SUZ12: variants seen among roughly 807,000 people sequenced by gnomAD.
SUZ12 encodes SUZ12 polycomb repressive complex 2 subunit, also known as polycomb protein SUZ12.
A neutral mutation model predicts 87.3 loss-of-function variants in SUZ12; 17 were observed. The ratio of observed to expected loss-of-function variants is 0.19; its 90% CI spans 0.13 to 0.29. The LOEUF is 0.29. Among genes scored for constraint, SUZ12 ranks in the 10% least tolerant of loss-of-function variants. SUZ12 has a pLI of 1.00. For synonymous variants in SUZ12, 253 were observed against 312.4 expected (o/e 0.81, Z 2.01); for missense variants, 526 against 912.2 (o/e 0.58, Z 5.45).
At chr17:31,994,970 G>T (rs1281396692) in intron 13 of SUZ12, among the ~76,000 whole-genome samples, 1 of 152,164 alleles carries the variant, frequency 6.6e-6, no homozygotes, top group Non-Finnish European at 1.5e-5. Context: ...TGCTGCAGTG[G>T]TTTGGGATTA....
chr17:31,941,667 A>G (rs1014091576), intron 3 of SUZ12, among the ~76,000 whole-genome samples: 4 of 151,198 alleles, frequency 2.6e-5, no homozygotes, highest in African/African-American at 9.7e-5. Flanking sequence ...CTCCTCCTTC[A>G]GCCTCCTTAG....
chr17:32,000,631 G>GT lies in SUZ12; in HGVS notation c.*1629dup, dbSNP rs1369669430. 3 of 209,346 alleles carry GT rather than the reference G, an allele frequency of 1.4e-5. No individual in the cohort carries two copies. The highest frequency in any genetic ancestry group is 1.9e-4 in the South Asian group (1 of 5,150). The allele number at this position is 209,346 out of a possible 1,614,324, so 13.0% of individuals were successfully genotyped here. A position where few individuals can be genotyped will look rare whatever the true frequency, so the allele number is the denominator to read the frequency against. On this transcript the variant is annotated 3_prime_UTR_variant, in exon 16 of 16. Transcript: ENST00000322652. ...TAATTTGCTAAAGCTGTGCACATAT[G>GT]TAAAAAAAAAAAAAAAAAGATTATT... is the stretch of plus-strand genomic sequence containing the variant.
chr17:31,940,355 C>T, intron 2 of SUZ12, 23 bp downstream of exon 2: 2 of 1,610,990 alleles, frequency 1.2e-6, no homozygotes, highest in East Asian at 2.2e-5. Flanking sequence ...CAAAATTCAT[C>T]AATATTATTT....
intron 5 of SUZ12, among the ~76,000 whole-genome samples, chr17:31,970,353 C>T (rs1290786032): frequency 6.6e-6 from 1 of 152,114 alleles, no homozygotes; most frequent in Non-Finnish European, 1.5e-5. Flanking sequence ...GCCGGCCAGG[C>T]GCAATGGCTC....
At chr17:31,951,083 A>G (rs1482717948) in intron 4 of SUZ12, among the ~76,000 whole-genome samples, 1 of 152,070 alleles carries the variant, frequency 6.6e-6, no homozygotes, top group East Asian at 1.9e-4. Context: ...CCCGGCATAT[A>G]TTCTTTGTAC....
intron 1 of SUZ12, 27 bp downstream of exon 1, chr17:31,937,547 A>C: frequency 6.5e-7 from 1 of 1,531,606 alleles, no homozygotes; most frequent in Non-Finnish European, 8.7e-7. Flanking sequence ...CTTTGAGGGC[A>C]GGAAGACCCA....
At chr17:31,956,444 C>T (rs965550928) in intron 4 of SUZ12, among the ~76,000 whole-genome samples, 8 of 152,168 alleles carry the variant, frequency 5.3e-5, no homozygotes, top group African/African-American at 9.7e-5. Context: ...CCACCTCAAC[C>T]TCCCAAACTG....
intron 10 of SUZ12, among the ~76,000 whole-genome samples, chr17:31,992,551 A>G (rs1449430266): frequency 6.6e-6 from 1 of 151,950 alleles, no homozygotes; most frequent in Admixed American, 6.6e-5. Flanking sequence ...CTGGGACTAC[A>G]GGTGCCCACC....
At chr17:31,971,211 A>C (rs562922476) in intron 5 of SUZ12, among the ~76,000 whole-genome samples, 6 of 152,134 alleles carry the variant, frequency 3.9e-5, no homozygotes, top group Non-Finnish European at 8.8e-5. Flanking sequence ...ATAATGTTTA[A>C]TGTTTTTTGA....
chr17:31,940,635 C>T, intron 3 of SUZ12, 149 bp downstream of exon 3: 1 of 1,332,526 alleles, frequency 7.5e-7, no homozygotes, highest in Non-Finnish European at 1.0e-6. Context: ...GAGAGAGTGA[C>T]TGGTTGAATT....
At chr17:31,983,642 G>C (rs764678971) in intron 9 of SUZ12, among the ~76,000 whole-genome samples, 1 of 152,166 alleles carries the variant, frequency 6.6e-6, no homozygotes, top group Non-Finnish European at 1.5e-5. Context: ...TCCTAGCTAT[G>C]TGGCGTTTGG....
chr17:31,972,589 C>T (rs34862036), intron 5 of SUZ12, among the ~76,000 whole-genome samples: 1 of 152,126 alleles, frequency 6.6e-6, no homozygotes. Context: ...CTAATTTTTT[C>T]ACATTTTGTA....
intron 4 of SUZ12, among the ~76,000 whole-genome samples, chr17:31,952,310 T>C (rs1427866770): frequency 1.3e-5 from 2 of 152,158 alleles, no homozygotes; most frequent in Non-Finnish European, 2.9e-5. Flanking sequence ...TCCTTTCAGA[T>C]TGGCTTCCCA....
chr17:31,988,239 TAATG>T (rs1567835690), intron 9 of SUZ12, 77 bp from the exon 10 acceptor site: 1 of 1,355,320 alleles, frequency 7.4e-7, no homozygotes, highest in African/African-American at 1.5e-5. Context: ...CATTGACTTA[TAATG>T]AATTTTTTTT....
intron 4 of SUZ12, among the ~76,000 whole-genome samples, chr17:31,950,921 C>T (rs1422772928): frequency 2.0e-5 from 3 of 152,036 alleles, no homozygotes; most frequent in African/African-American, 7.2e-5. Context: ...GCTGGGACTA[C>T]AGGCGCCCGC....
intron 4 of SUZ12, among the ~76,000 whole-genome samples, chr17:31,947,912 G>C (rs570319065): frequency 1.4e-4 from 21 of 152,234 alleles, no homozygotes; most frequent in South Asian, 4.1e-4. Context: ...ATTTATTATT[G>C]TTTATCTTTA....
Position 31,966,485 on chromosome 17 carries a change from T to C in SUZ12, c.505+289T>C, listed in dbSNP as rs1455020056. ...GCCTCAGCCTCCTGAGTAGCTGGGA[T>C]TACAGGCACGTGCCCCATGCCTGGC... On this transcript the variant is annotated intron_variant, in intron 5 of 15. Coordinates refer to ENST00000322652, the MANE Select transcript of SUZ12 (RefSeq NM_015355.4). The C allele has an allele frequency of 2.5e-5, 7 of 282,250 alleles. No homozygotes were observed. In the East Asian group the frequency reaches 6.5e-4, roughly 26 times the overall value. The allele number at this position is 282,250 out of a possible 1,614,324, so 17.5% of individuals were successfully genotyped here. A position where few individuals can be genotyped will look rare whatever the true frequency, so the allele number is the denominator to read the frequency against.
chr17:31,960,412 C>T (rs529515400), intron 4 of SUZ12, among the ~76,000 whole-genome samples: 1 of 151,996 alleles, frequency 6.6e-6, no homozygotes, highest in African/African-American at 2.4e-5. Flanking sequence ...GGTTTCACCA[C>T]GTTGGTCAGG....
Position 31,951,071 on chromosome 17 carries a change from C to T in SUZ12, c.455+3386C>T, listed in dbSNP as rs558795093. On this transcript the variant is annotated intron_variant, in intron 4 of 15. Transcript: ENST00000322652. The stretch of plus-strand genomic sequence containing the variant: ...CTGGGATTACAGGCGTGAGCCACCG[C>T]GCCCGGCATATATTCTTTGTACTAT... Among the ~76,000 whole-genome samples, 16 of 152,244 alleles carry T rather than the reference C, an allele frequency of 1.1e-4. No individual in the cohort carries two copies. The South Asian group carries it at 1.2e-3, about 12-fold the overall frequency.
Sources: gnomAD v4.1 joint callset for allele counts (sites outside exome capture counted in the v4.1 genomes callset) on GRCh38, gnomAD v4.1.1 for gene constraint, MANE v1.5 for transcripts, NCBI Gene and HGNC (gene_info 2026-07-23, HGNC 2026-07-21) for gene names.